The following HPSE2 variants were observed in gnomAD, a reference collection of about 807,000 sequenced individuals.
The protein encoded by HPSE2 is heparanase 2 (inactive), also known as inactive heparanase-2.
A neutral mutation model predicts 60.5 loss-of-function variants in HPSE2; 38 were observed. That is an observed-to-expected ratio of 0.63 (90% CI 0.48 to 0.82). The LOEUF (loss-of-function observed/expected upper bound fraction) is 0.82, where lower values mean the gene tolerates loss of function less well. Among genes scored for constraint, HPSE2 ranks in the 40% least tolerant of loss-of-function variants. The pLI is 0.00. For missense variants in HPSE2, 713 were observed against 740.4 expected (o/e 0.96, Z 0.43); for synonymous variants, 295 against 293.2 (o/e 1.01, Z -0.06).
the HPSE2 span, among the ~76,000 whole-genome samples, chr10:99,265,029 T>C: frequency 6.6e-6 from 1 of 152,186 alleles, no homozygotes; most frequent in Non-Finnish European, 1.5e-5. Flanking sequence ...TAAGCCATCA[T>C]ATCCCCTGTG....
At chr10:99,101,835 T>G (rs1448396381) in intron 3 of HPSE2, among the ~76,000 whole-genome samples, 1 of 152,072 alleles carries the variant, frequency 6.6e-6, no homozygotes, top group Non-Finnish European at 1.5e-5. Flanking sequence ...GAAACTCACT[T>G]AAAACTGCTC....
intron 6 of HPSE2, among the ~76,000 whole-genome samples, chr10:98,645,749 C>T (rs938759122): frequency 2.9e-4 from 44 of 151,960 alleles, no homozygotes; most frequent in Non-Finnish European, 5.1e-4. Flanking sequence ...GAGGCTGAGG[C>T]GGGCGGATCA....
the HPSE2 span, among the ~76,000 whole-genome samples, chr10:99,285,265 C>T: frequency 6.7e-6 from 1 of 148,926 alleles, no homozygotes; most frequent in East Asian, 2.0e-4. Flanking sequence ...CCTGTCTCTA[C>T]AAAAAAAGGA....
rs1951690245 is a variant in HPSE2, at chr10:98,831,846, C to T, written c.611-87790G>A. ...TGCTCCTCAGAGCTACTAAGATCAT[C>T]ATTCAAGATCTTTATAGCTAAATAA... On this transcript the variant is annotated intron_variant, in intron 3 of 11. Transcript: ENST00000370552. 1.3e-5 allele frequency among the ~76,000 whole-genome samples: 2 copies of T among 152,174 alleles called. 1 individual carries two copies. The highest frequency in any genetic ancestry group is 4.1e-4 in the South Asian group (2 of 4,830).
At chr10:98,477,773 G>A (rs1210064354) in intron 11 of HPSE2, among the ~76,000 whole-genome samples, 1 of 152,116 alleles carries the variant, frequency 6.6e-6, no homozygotes, top group Non-Finnish European at 1.5e-5. Context: ...CTGGGCCATG[G>A]ACCAATCCTG....
chr10:98,939,541 A>G (rs1429908917), intron 3 of HPSE2, among the ~76,000 whole-genome samples: 1 of 143,854 alleles, frequency 7.0e-6, no homozygotes, highest in Non-Finnish European at 1.5e-5. Context: ...ACTATCCTAA[A>G]TATATATGCA....
intron 3 of HPSE2, among the ~76,000 whole-genome samples, chr10:99,052,462 A>G (rs1362107598): frequency 6.6e-6 from 1 of 152,010 alleles, no homozygotes; most frequent in Non-Finnish European, 1.5e-5. Context: ...TGTAATTAGA[A>G]TCTCAAAAAG....
intron 3 of HPSE2, among the ~76,000 whole-genome samples, chr10:98,972,234 T>C (rs929200896): frequency 6.6e-5 from 10 of 152,154 alleles, no homozygotes; most frequent in Non-Finnish European, 1.5e-5. Flanking sequence ...CTATTTTTCT[T>C]TTCTTGTTGC....
chr10:99,255,984 G>T, the HPSE2 span, among the ~76,000 whole-genome samples: 1 of 152,168 alleles, frequency 6.6e-6, no homozygotes, highest in Non-Finnish European at 1.5e-5. Context: ...AGGCGAAGCA[G>T]AGGCCAGCAC....
chr10:99,139,565 TTATGA>T (rs1485288184), intron 3 of HPSE2, among the ~76,000 whole-genome samples: 4 of 152,204 alleles, frequency 2.6e-5, no homozygotes, highest in African/African-American at 9.6e-5. Flanking sequence ...GCTTGAATAG[TTATGA>T]TGTTTACTAT....
chr10:98,756,476 A>T (rs1166365599), intron 3 of HPSE2, among the ~76,000 whole-genome samples: 1 of 152,142 alleles, frequency 6.6e-6, no homozygotes, highest in Non-Finnish European at 1.5e-5. Context: ...ATCAGAAATG[A>T]CAAAGGGGAC....
chr10:98,772,110 G>A (rs991650280), intron 3 of HPSE2, among the ~76,000 whole-genome samples: 4 of 152,158 alleles, frequency 2.6e-5, no homozygotes, highest in Admixed American at 2.0e-4. Flanking sequence ...CAAAGCAATA[G>A]AGCCTTAGGT....
chr10:98,471,256 T>G (rs934616228), intron 11 of HPSE2, among the ~76,000 whole-genome samples: 7 of 152,186 alleles, frequency 4.6e-5, no homozygotes, highest in Non-Finnish European at 8.8e-5. Flanking sequence ...TGACCACATA[T>G]TTGAATCACC....
chr10:99,138,882 A>C (rs1196877582), intron 3 of HPSE2, among the ~76,000 whole-genome samples: 2 of 152,184 alleles, frequency 1.3e-5, no homozygotes, highest in Non-Finnish European at 2.9e-5. Flanking sequence ...CCCAGAAATT[A>C]ATCATTTTTT....
chr10:98,701,657 AAAATAAAATG>A (rs1007480352), intron 5 of HPSE2, among the ~76,000 whole-genome samples: 13 of 112,876 alleles, frequency 1.2e-4, no homozygotes, highest in Admixed American at 1.1e-3. Context: ...AAAATAAAAT[AAAATAAAATG>A]AAAATAGTTT....
intron 2 of HPSE2, among the ~76,000 whole-genome samples, chr10:99,161,659 T>C (rs1846851531): frequency 6.6e-6 from 1 of 152,180 alleles, no homozygotes; most frequent in Non-Finnish European, 1.5e-5. Context: ...ATACTTGTAA[T>C]GGGTGAATTT....
rs557301729 is a variant in HPSE2, at chr10:98,603,555, G to A, written c.1320+11349C>T. On this transcript the variant is annotated intron_variant, in intron 9 of 11. Transcript: ENST00000370552. ...AGCAATTCTCCTGCCACAGCCTCCC[G>A]AGTAGCTGGGACTACAGGCACACAC... Among the ~76,000 whole-genome samples, 205 of 150,780 alleles carry A rather than the reference G, an allele frequency of 1.4e-3. 2 individuals are homozygous for A. The highest frequency in any genetic ancestry group is 2.1e-3 in the Non-Finnish European group (139 of 67,734).
intron 3 of HPSE2, among the ~76,000 whole-genome samples, chr10:99,043,014 T>C (rs1194858353): frequency 6.6e-6 from 1 of 152,140 alleles, no homozygotes; most frequent in African/African-American, 2.4e-5. Flanking sequence ...ACACAGAGCC[T>C]TGACCCACTA....
chr10:99,138,886 A>AT (rs886650073), intron 3 of HPSE2, among the ~76,000 whole-genome samples: 13 of 151,938 alleles, frequency 8.6e-5, no homozygotes, highest in Non-Finnish European at 1.8e-4. Flanking sequence ...GAAATTAATC[A>AT]TTTTTTTAAA....
Sources: gnomAD v4.1 joint callset for allele counts (sites outside exome capture counted in the v4.1 genomes callset) on GRCh38, gnomAD v4.1.1 for gene constraint, MANE v1.5 for transcripts, NCBI Gene and HGNC (gene_info 2026-07-23, HGNC 2026-07-21) for gene names.